PHF1: variants seen among roughly 807,000 people sequenced by gnomAD.
The protein encoded by PHF1 is PHD finger protein 1.
PHF1 carries 16 observed loss-of-function variants against 69.4 expected under a neutral mutation model. The observed-to-expected ratio is 0.23, with a 90% CI of 0.16 to 0.35. The LOEUF (loss-of-function observed/expected upper bound fraction) is 0.35. Among genes scored for constraint, PHF1 ranks in the 10% least tolerant of loss-of-function variants. The probability of loss-of-function intolerance (pLI) is 1.00; values close to 1 mark genes in which losing one functional copy is unlikely to be tolerated. For synonymous variants in PHF1, 274 were observed against 275.0 expected, an observed-to-expected ratio of 1.00 and a Z score of 0.04; for missense variants, 515 against 732.8, an observed-to-expected ratio of 0.70 and a Z score of 3.43.
Position 33,414,597 on chromosome 6 carries a change from T to A in PHF1, c.944+53T>A. 6.3e-7 allele frequency: 1 copy of A among 1,587,846 alleles called. No homozygotes were observed. Among genetic ancestry groups the A allele is most frequent in the Non-Finnish European group, 8.6e-7 (1 of 1,157,260 alleles). Reference sequence around the variant, plus strand: ...ATGAGGCTCGGAAAGAGATGGAGAGTGGAAGCCTGGAAGGGGAGGGGCTTG... The same window carrying A: ...ATGAGGCTCGGAAAGAGATGGAGAGAGGAAGCCTGGAAGGGGAGGGGCTTG... On this transcript the variant is annotated intron_variant, in intron 10 of 14. Coordinates refer to ENST00000374516, the MANE Select transcript of PHF1 (RefSeq NM_024165.3). This position sits in a 1 kb window ranked among gnomAD's most constrained non-coding sequence, Gnocchi z 5.0.
rs1776435082 is a variant in PHF1 at position 33,415,840 on chromosome 6, C to T, written c.1446C>T (p.Pro482=). The change falls in exon 15 of 15, where the codon CCC becomes CCT. Residue 482 remains proline, a synonymous_variant. Coordinates refer to ENST00000374516, the MANE Select transcript of PHF1 (RefSeq NM_024165.3). ...CCCTGGAACTTCACATTGGTTTCCC[C>T]ACAGACATCCCTAAAAGTGCCCCCC... ...RSPLELHIGF[P]TDIPKSAPHS... is the part of the protein sequence containing the mutation. 2 of 1,602,874 alleles carry T rather than the reference C, an allele frequency of 1.2e-6. No homozygotes were observed. Among genetic ancestry groups the T allele is most frequent in the Non-Finnish European group, 1.7e-6 (2 of 1,171,584 alleles).
At chr6:33,410,853 A>C (rs1414662145), upstream of PHF1, 1 of 152,080 alleles carries the variant, frequency 6.6e-6, no homozygotes, top group African/African-American at 2.4e-5. Context: ...GCGGAGGGCC[A>C]GCCTCTTCTT....
chr6:33,413,190 C>T lies in PHF1; in HGVS notation c.338-6C>T, dbSNP rs1776209884. ...TGCAATAAGTGGTCTACTATTATCA[C>T]TGCAGCTTATCACCAGGACTGCCAT... On this transcript the variant is annotated splice_region_variant and splice_polypyrimidine_tract_variant and intron_variant, in intron 4 of 14. Coordinates refer to ENST00000374516, the MANE Select transcript of PHF1 (RefSeq NM_024165.3). 5.6e-6 allele frequency: 9 copies of T among 1,612,542 alleles called. No homozygotes were observed. The highest frequency in any genetic ancestry group is 4.5e-5 in the East Asian group (2 of 44,870).
In PHF1 at chr6:33,412,221, TCTC is replaced by T. The variant is rs1246201184; in HGVS notation, c.-16-22_-16-20del. ...GAAGGTTTCTCAGCATTCATAACCT[TCTC>T]CTCCCCATTTCTTTTCTGGCTAGGC... On this transcript the variant is annotated intron_variant, in intron 1 of 14. Coordinates refer to ENST00000374516, the MANE Select transcript of PHF1 (RefSeq NM_024165.3). This position sits in a 1 kb window ranked among gnomAD's most constrained non-coding sequence, Gnocchi z 4.2. 18 of 1,506,482 alleles carry T rather than the reference TCTC, an allele frequency of 1.2e-5. No homozygotes were observed. Among genetic ancestry groups the T allele is most frequent in the South Asian group, 3.4e-5 (3 of 87,894 alleles). 93.3% of individuals were successfully genotyped at this position (1,506,482 alleles called of 1,614,324 possible). A position where few individuals can be genotyped will look rare whatever the true frequency, so the allele number is the denominator to read the frequency against.
Position 33,415,932 on chromosome 6 carries a change from C to G in PHF1, c.1538C>G (p.Pro513Arg). Residue 513 changes from proline to arginine, a missense_variant, in exon 15 of 15, where the codon CCC (proline) becomes CGC (arginine). By Grantham distance (103) the Pro-to-Arg change is moderately radical. Transcript: ENST00000374516. Reference sequence around the variant, plus strand: ...CCAGGTCTTCCTAGACGCTCAGCACCCCCTTCTCCCCTGTGCCGTAGTTTG... The same window carrying G: ...CCAGGTCTTCCTAGACGCTCAGCACGCCCTTCTCCCCTGTGCCGTAGTTTG... Reference protein sequence around the residue: ...PSPGLPRRSAPPSPLCRSLSP... With the variant: ...PSPGLPRRSARPSPLCRSLSP... 6.2e-7 allele frequency: 1 copy of G among 1,614,104 alleles called. No homozygotes were observed. The highest frequency in any genetic ancestry group is 1.1e-5 in the South Asian group (1 of 91,084).
In PHF1 at chr6:33,415,511, G is replaced by A; in HGVS notation, c.1335-79G>A. 4 of 1,472,222 alleles carry A rather than the reference G, an allele frequency of 2.7e-6. No individual in the cohort carries two copies. In the South Asian group the frequency reaches 3.4e-5, roughly 13 times the overall value. The allele number at this position is 1,472,222 out of a possible 1,614,324, so 91.2% of individuals were successfully genotyped here. A position where few individuals can be genotyped will look rare whatever the true frequency, so the allele number is the denominator to read the frequency against. On this transcript the variant is annotated intron_variant, in intron 13 of 14. Coordinates refer to ENST00000374516, the MANE Select transcript of PHF1 (RefSeq NM_024165.3). ...GGGAAGGGAGTCCCTTGGGGGTAGT[G>A]TTTGAGCTCTGCACTTCCCAGGGGG...
chr6:33,411,400 GAGA>G (rs1265313552), intron 1 of PHF1, among the ~76,000 whole-genome samples, 185 bp downstream of exon 1: 1 of 152,212 alleles, frequency 6.6e-6, no homozygotes, highest in Non-Finnish European at 1.5e-5. Flanking sequence ...GGGGCACTCA[GAGA>G]AGTTGTCTAA....
In PHF1 at chr6:33,412,395, G is replaced by A; in HGVS notation, c.132G>A (p.Gly44=). 6.2e-7 allele frequency: 1 copy of A among 1,614,204 alleles called. No individual in the cohort carries two copies. The highest frequency in any genetic ancestry group is 2.2e-5 in the East Asian group (1 of 44,878). Reference sequence around the variant, plus strand: ...ATGTGCTGGCCAGATGGACTGATGGGCTGCTATACTTGGGTACCATCAAAA... The same window carrying A: ...ATGTGCTGGCCAGATGGACTGATGGACTGCTATACTTGGGTACCATCAAAA... The part of the protein sequence containing the change: ...GQDVLARWTD[G]LLYLGTIKKV... Residue 44 remains glycine, a synonymous_variant, in exon 2 of 15, where the codon GGG becomes GGA. Coordinates refer to ENST00000374516, the MANE Select transcript of PHF1 (RefSeq NM_024165.3). This position sits in a 1 kb window ranked among gnomAD's most constrained non-coding sequence, Gnocchi z 4.2.
Position 33,415,821 on chromosome 6 carries a change from A to C in PHF1, c.1427A>C (p.Glu476Ala). The C allele has an allele frequency of 6.3e-7, 1 of 1,598,232 alleles. No individual in the cohort carries two copies. Among genetic ancestry groups the C allele is most frequent in the Non-Finnish European group, 8.6e-7 (1 of 1,168,490 alleles). Residue 476 changes from glutamate to alanine, a missense_variant, in exon 15 of 15, where the codon GAA becomes GCA. Glu to Ala is a moderately radical substitution (Grantham distance 107). Transcript: ENST00000374516. The part of the protein sequence containing the change: ...DSGPPDRSPL[E>A]LHIGFPTDIP... ...CCTTCTCTCCCTAGGTCACCCCTGG[A>C]ACTTCACATTGGTTTCCCCACAGAC...
Position 33,415,911 on chromosome 6 carries a change from G to T in PHF1, c.1517G>T (p.Gly506Val), listed in dbSNP as rs563918425. 1 of 1,613,936 alleles carries T rather than the reference G, an allele frequency of 6.2e-7. No homozygotes were observed. The highest frequency in any genetic ancestry group is 1.3e-5 in the African/African-American group (1 of 74,994). The change falls in exon 15 of 15, where the codon GGT becomes GTT. Residue 506 changes from glycine to valine, a missense_variant. Gly to Val is a moderately radical substitution (Grantham distance 109). This residue lies in a region of PHF1 where 274 missense variants were observed against 304.5 expected (regional missense o/e 0.90). Transcript: ENST00000374516. ...SSSSVSSPSP[G>V]LPRRSAPPSP... Reference sequence around the variant, plus strand: ...TCCTCAGTTTCATCCCCATCCCCAGGTCTTCCTAGACGCTCAGCACCCCCT... The same window carrying T: ...TCCTCAGTTTCATCCCCATCCCCAGTTCTTCCTAGACGCTCAGCACCCCCT...
At chr6:33,410,955 T>TCCCACCACCCTCCCC (rs1775993148), upstream of PHF1, 1 of 29,034 alleles carries the variant, frequency 3.4e-5, no homozygotes, top group Non-Finnish European at 7.0e-5. Context: ...AGTCCTCCCC[T>TCCCACCACCCTCCCC]CCCACCACCC....
In PHF1 at chr6:33,416,230, C is replaced by A; in HGVS notation, c.*132C>A. 1.4e-6 allele frequency: 1 copy of A among 717,098 alleles called. No homozygotes were observed. Among genetic ancestry groups the A allele is most frequent in the Non-Finnish European group, 2.1e-6 (1 of 474,582 alleles). The allele number at this position is 717,098 out of a possible 1,614,324, so 44.4% of individuals were successfully genotyped here. A position where few individuals can be genotyped will look rare whatever the true frequency, so the allele number is the denominator to read the frequency against. ...TCTCCCTACTGCCCAGGCTGGAATC[C>A]AAGAGTGGGGAGTGGGGAAGAGGCC... On this transcript the variant is annotated 3_prime_UTR_variant, in exon 15 of 15. Transcript: ENST00000374516.
upstream of PHF1, chr6:33,410,975 ACCGGTCCGTCCCT>A (rs1325019863): frequency 3.8e-5 from 2 of 52,392 alleles, no homozygotes; most frequent in Non-Finnish European, 7.7e-5. Flanking sequence ...CTCCCCCCCA[ACCGGTCCGTCCCT>A]CCCCTCCCTC....
rs750544202 is a variant in PHF1, at chr6:33,412,366, C to G, written c.103C>G (p.Gln35Glu). The change falls in exon 2 of 15, where the codon CAA becomes GAA. Residue 35 changes from glutamine (Q) to glutamate (E), a missense_variant. This residue lies in a region of PHF1 where 52 missense variants were observed against 48.2 expected (regional missense o/e 1.08). Coordinates refer to ENST00000374516, the MANE Select transcript of PHF1 (RefSeq NM_024165.3). This position sits in a 1 kb window ranked among gnomAD's most constrained non-coding sequence, Gnocchi z 4.2. ...CCCCAGGCCTCGGCTTTGGGAGGGT[C>G]AAGATGTGCTGGCCAGATGGACTGA... ...SGPRPRLWEG[Q>E]DVLARWTDGL... is the part of the protein sequence containing the mutation. 1.9e-6 allele frequency: 3 copies of G among 1,614,184 alleles called. No individual in the cohort carries two copies. In the South Asian group the frequency reaches 3.3e-5, roughly 18 times the overall value.
In PHF1 at chr6:33,413,511, C is replaced by T. The variant is rs762414042; in HGVS notation, c.541C>T (p.Leu181=). 3.8e-5 allele frequency: 62 copies of T among 1,614,086 alleles called. No homozygotes were observed. The highest frequency in any genetic ancestry group is 5.2e-5 in the Non-Finnish European group (61 of 1,180,046). Residue 181 remains leucine (L), a synonymous_variant, in exon 6 of 15, where the codon CTG becomes TTG. Transcript: ENST00000374516. ...GGGGCTGGACTGGGATGCTGGACAT[C>T]TGAGCAACCGACAGCAGAGTTACTG... ...LKGLDWDAGH[L]SNRQQSYCYC...
Position 33,416,006 on chromosome 6 carries a change from C to G in PHF1, c.1612C>G (p.Arg538Gly), listed in dbSNP as rs1254650683. Residue 538 changes from arginine to glycine, a missense_variant, in exon 15 of 15, where the codon CGA (arginine) becomes GGA (glycine). Transcript: ENST00000374516. ...GVRGGVGYLS[R>G]GDPVRVLARR... ...CCGAGGTGGGGTTGGTTACCTGTCCCGAGGGGACCCTGTCCGGGTCCTTGC... is the reference window on the plus strand; with the variant it reads ...CCGAGGTGGGGTTGGTTACCTGTCCGGAGGGGACCCTGTCCGGGTCCTTGC... The G allele has an allele frequency of 3.1e-6, 5 of 1,613,692 alleles. No homozygotes were observed. The highest frequency in any genetic ancestry group is 4.2e-6 in the Non-Finnish European group (5 of 1,179,744).
upstream of PHF1, chr6:33,410,983 G>A (rs1302797811): frequency 1.1e-5 from 1 of 94,968 alleles, no homozygotes; most frequent in East Asian, 3.5e-4. Context: ...CAACCGGTCC[G>A]TCCCTCCCCT....
upstream of PHF1, chr6:33,410,461 C>A (rs1238204122): frequency 1.6e-5 from 2 of 126,730 alleles, no homozygotes; most frequent in Admixed American, 1.6e-4. Context: ...TCGCGCCAAC[C>A]GCCGACGGCC....
rs1776310011 is a variant in PHF1 at position 33,414,706 on chromosome 6, A to G, written c.945-19A>G. 1.2e-6 allele frequency: 2 copies of G among 1,602,652 alleles called. No homozygotes were observed. The highest frequency in any genetic ancestry group is 2.2e-5 in the East Asian group (1 of 44,844). The stretch of plus-strand genomic sequence containing the variant: ...TTTTTTACAGCACTGACCCTATATC[A>G]TTTCTCTTCTTGCCCCAGTTTCATT... On this transcript the variant is annotated intron_variant, in intron 10 of 14. Transcript: ENST00000374516. The surrounding 1 kb of genome is among the most constrained non-coding windows in gnomAD (Gnocchi z 5.0).
Sources: gnomAD v4.1 joint callset for allele counts (sites outside exome capture counted in the v4.1 genomes callset) on GRCh38, gnomAD v4.1.1 for gene constraint, gnomAD v4.1.1 regional missense constraint, Gnocchi (gnomAD v3.1) non-coding constraint, MANE v1.5 for transcripts, NCBI Gene and HGNC (gene_info 2026-07-23, HGNC 2026-07-21) for gene names.